DNAL4: variants seen among roughly 807,000 people sequenced by gnomAD.
The protein encoded by DNAL4 is dynein light chain, outer arm 4.
In DNAL4, 10 loss-of-function variants were observed where a neutral mutation model predicts 12.6. That is an observed-to-expected ratio of 0.79 (90% CI 0.49 to 1.34). DNAL4 has a LOEUF of 1.34. Ranked by LOEUF, DNAL4 falls within the 40% of genes most tolerant of loss-of-function variation. The pLI is 0.00. For synonymous variants in DNAL4, 46 were observed against 53.1 expected (o/e 0.87, Z 0.58); for missense variants, 128 against 138.1 (o/e 0.93, Z 0.37).
At chr22:38,790,265 C>T (rs2093048577) in intron 1 of DNAL4, among the ~76,000 whole-genome samples, 1 of 152,100 alleles carries the variant, frequency 6.6e-6, no homozygotes, top group Non-Finnish European at 1.5e-5. Flanking sequence ...TAGGAGCAGT[C>T]GCTAGGAAGC....
chr22:38,793,983 G>C (rs2093054875), intron 1 of DNAL4, 85 bp downstream of exon 1: 1 of 152,188 alleles, frequency 6.6e-6, no homozygotes, highest in South Asian at 2.1e-4. Flanking sequence ...CGGCGGGCGA[G>C]GCCTCTTCCG....
intron 1 of DNAL4, among the ~76,000 whole-genome samples, chr22:38,783,596 C>T (rs2093037800): frequency 1.3e-5 from 2 of 152,224 alleles, no homozygotes; most frequent in African/African-American, 4.8e-5. Flanking sequence ...CACCAGGCTC[C>T]CTGGTTGTTC....
At position 38,794,062 on chromosome 22, in the gene DNAL4, C is replaced by T. The variant is rs1260543379; in HGVS notation, c.-140+6G>A. 6.6e-6 allele frequency: 1 copy of T among 152,286 alleles called. No individual in the cohort carries two copies. Among genetic ancestry groups the T allele is most frequent in the Non-Finnish European group, 1.5e-5 (1 of 68,100 alleles). The allele number at this position is 152,286 out of a possible 1,614,324, so 9.4% of individuals were successfully genotyped here. A position where few individuals can be genotyped will look rare whatever the true frequency, so the allele number is the denominator to read the frequency against. On this transcript the variant is annotated splice_donor_region_variant and intron_variant, in intron 1 of 3. Transcript: ENST00000216068. ...CCTGGCTGCCCGCCGCGCCCCGGGG[C>T]CTCACCTGCTCCTGCGGGGGCCGGA...
At chr22:38,788,887 C>T (rs1424590871) in intron 1 of DNAL4, among the ~76,000 whole-genome samples, 1 of 152,326 alleles carries the variant, frequency 6.6e-6, no homozygotes, top group African/African-American at 2.4e-5. Context: ...TAACTGTGCC[C>T]GTGAGTCCAG....
At position 38,779,521 on chromosome 22, in the gene DNAL4, G is replaced by A. The variant is rs759923818; in HGVS notation, c.246C>T (p.Thr82=). The A allele has an allele frequency of 2.5e-6, 4 of 1,583,900 alleles. No homozygotes were observed. The highest frequency in any genetic ancestry group is 3.4e-6 in the Non-Finnish European group (4 of 1,164,272). ...VIGEGFGFEI[T]HEVKNLLYLY... ...GGTAGAGGAGGTTCTTCACCTCGTG[G>A]GTGATCTCAAACCCAAAGCCCTCGC... Residue 82 remains threonine, a synonymous_variant, in exon 4 of 4, where the codon ACC becomes ACT. Coordinates refer to ENST00000216068, the MANE Select transcript of DNAL4 (RefSeq NM_005740.3). The surrounding 1 kb of genome is among the most constrained non-coding windows in gnomAD (Gnocchi z 4.3).
At chr22:38,780,462 G>A (rs990896655) in intron 3 of DNAL4, among the ~76,000 whole-genome samples, 25 of 152,322 alleles carry the variant, frequency 1.6e-4, no homozygotes, top group African/African-American at 4.6e-4. Flanking sequence ...ACCGGCTGCC[G>A]CAACACTGAC....
At position 38,792,121 on chromosome 22, in the gene DNAL4, C is replaced by CT. The variant is rs200697668; in HGVS notation, c.-140+1946dup. ...ATAAGTTAACCTTAGCTTACTGTAACTTTTTACTTTGTAAAAGTTTTGATT... is the reference window on the plus strand; with the variant it reads ...ATAAGTTAACCTTAGCTTACTGTAACTTTTTTACTTTGTAAAAGTTTTGATT... On this transcript the variant is annotated intron_variant, in intron 1 of 3. Coordinates refer to ENST00000216068, the MANE Select transcript of DNAL4 (RefSeq NM_005740.3). Among the ~76,000 whole-genome samples the CT allele has an allele frequency of 5.6e-3, 847 of 152,220 alleles. 6 individuals carry two copies. The highest frequency in any genetic ancestry group is 0.019 in the African/African-American group (810 of 41,556).
intron 1 of DNAL4, chr22:38,785,836 A>T (rs1173418662): frequency 1.3e-5 from 2 of 152,244 alleles, no homozygotes; most frequent in African/African-American, 4.8e-5. Context: ...AGGTATGTGT[A>T]TGTGAGCGAT....
intron 1 of DNAL4, among the ~76,000 whole-genome samples, chr22:38,792,348 T>C (rs1603240790): frequency 1.3e-5 from 2 of 152,146 alleles, no homozygotes; most frequent in South Asian, 2.1e-4. Flanking sequence ...AATGGCGCTA[T>C]CTCGGCGCAC....
chr22:38,780,255 C>T (rs1258778485), intron 3 of DNAL4, among the ~76,000 whole-genome samples: 1 of 152,234 alleles, frequency 6.6e-6, no homozygotes, highest in Non-Finnish European at 1.5e-5. Context: ...TCCCCATCGT[C>T]TCAGTAAATA....
In DNAL4 at chr22:38,778,527, AT is replaced by A. The variant is rs1185017995; in HGVS notation, c.*921del. The A allele has an allele frequency of 6.5e-6, 1 of 152,674 alleles. No individual in the cohort carries two copies. Among genetic ancestry groups the A allele is most frequent in the African/African-American group, 2.4e-5 (1 of 41,458 alleles). 9.5% of individuals were successfully genotyped at this position (152,674 alleles called of 1,614,324 possible). A position where few individuals can be genotyped will look rare whatever the true frequency, so the allele number is the denominator to read the frequency against. On this transcript the variant is annotated 3_prime_UTR_variant, in exon 4 of 4. Coordinates refer to ENST00000216068, the MANE Select transcript of DNAL4 (RefSeq NM_005740.3). ...ATGAGGTCAGTTTTTGGTCATTTTA[AT>A]TGTAAAAACCAAGACATTTATATAA...
chr22:38,780,685 G>C, intron 3 of DNAL4: 1 of 510,178 alleles, frequency 2.0e-6, no homozygotes, highest in Admixed American at 3.4e-5. Flanking sequence ...AGGGAACATG[G>C]GCAGGGGCGT....
intron 1 of DNAL4, among the ~76,000 whole-genome samples, chr22:38,791,114 C>T (rs946157637): frequency 4.0e-5 from 6 of 148,432 alleles, no homozygotes; most frequent in Non-Finnish European, 7.4e-5. Context: ...TTGCAGTGAG[C>T]AGAAATCACA....
At chr22:38,786,457 G>A (rs938325131) in intron 1 of DNAL4, among the ~76,000 whole-genome samples, 4 of 152,216 alleles carry the variant, frequency 2.6e-5, no homozygotes, top group Admixed American at 2.0e-4. Flanking sequence ...TACTGGGGAG[G>A]CTGAGGCAGG....
chr22:38,792,325 C>G (rs535978690), intron 1 of DNAL4, among the ~76,000 whole-genome samples: 5 of 151,740 alleles, frequency 3.3e-5, no homozygotes, highest in Admixed American at 3.3e-4. Flanking sequence ...TCTTGTTGCC[C>G]AGGCTTGAGC....
At chr22:38,783,256 C>A (rs920681422) in intron 1 of DNAL4, among the ~76,000 whole-genome samples, 1 of 151,266 alleles carries the variant, frequency 6.6e-6, no homozygotes, top group Non-Finnish European at 1.5e-5. Flanking sequence ...CCTCCCACTA[C>A]ACACACGGGC....
chr22:38,784,506 CTTTTT>C (rs1012937453), intron 1 of DNAL4, among the ~76,000 whole-genome samples: 2 of 139,170 alleles, frequency 1.4e-5, no homozygotes, highest in Non-Finnish European at 1.6e-5. Flanking sequence ...GTCTCTTTCA[CTTTTT>C]TTTTTTTTTT....
At chr22:38,788,700 C>T (rs1206984887) in intron 1 of DNAL4, among the ~76,000 whole-genome samples, 1 of 152,176 alleles carries the variant, frequency 6.6e-6, no homozygotes, top group Non-Finnish European at 1.5e-5. Context: ...AGCTGCTCGC[C>T]ACACACAGCA....
rs113358406 is a variant in DNAL4, at chr22:38,779,545, G to A, written c.222C>T (p.Gly74=). 1.4e-5 allele frequency: 23 copies of A among 1,590,690 alleles called. No homozygotes were observed. The highest frequency in any genetic ancestry group is 6.7e-5 in the African/African-American group (5 of 74,522). Residue 74 remains glycine (G), a synonymous_variant, in exon 4 of 4, where the codon GGC becomes GGT. Transcript: ENST00000216068. The surrounding 1 kb of genome is among the most constrained non-coding windows in gnomAD (Gnocchi z 4.3). ...GGGTGATCTCAAACCCAAAGCCCTC[G>A]CCGATCACCACGTGCCAGGAGGAGC... ...KFGSSWHVVI[G]EGFGFEITHE...
Sources: allele counts gnomAD v4.1 joint callset (sites outside exome capture counted in the v4.1 genomes callset), GRCh38; gene constraint gnomAD v4.1.1; non-coding constraint Gnocchi (gnomAD v3.1); transcripts MANE v1.5; gene names NCBI Gene and HGNC (gene_info 2026-07-23, HGNC 2026-07-21).